MOV10: variants seen among roughly 807,000 people sequenced by gnomAD.
MOV10 encodes RNA helicase MOV-10.
In MOV10, 39 loss-of-function variants were observed where a neutral mutation model predicts 108.4. That is an observed-to-expected ratio of 0.36 (90% CI 0.28 to 0.47). The LOEUF is 0.47. Ranked by LOEUF, MOV10 falls within the 20% of genes least tolerant of loss-of-function variation. The pLI, the probability that MOV10 is intolerant of heterozygous loss-of-function variation, is 1.00. For synonymous variants in MOV10, 490 were observed against 523.1 expected (o/e 0.94, Z 0.86); for missense variants, 952 against 1,297.6 (o/e 0.73, Z 4.09).
chr1:112,694,156 C>G lies in MOV10; in HGVS notation c.1279C>G (p.Leu427Val). 6.2e-7 allele frequency: 1 copy of G among 1,614,122 alleles called. No individual in the cohort carries two copies. ...CAAGGTGGAATTGGACCGTGTCAAG[C>G]TGAGCTTTTCCATGAGGTGGGTGTT... ...VHKVELDRVK[L>V]SFSMSLLSRF... The change falls in exon 8 of 21, where the codon CTG (leucine) becomes GTG (valine). Residue 427 changes from leucine to valine, a missense_variant. Physicochemically the swap from Leu to Val is conservative, Grantham distance 32. Around this residue, in one of 5 missense-constraint regions of MOV10, gnomAD observed 453 missense variants for 611.5 expected, o/e 0.74. Transcript: ENST00000369645. The surrounding 1 kb of genome is among the most constrained non-coding windows in gnomAD (Gnocchi z 4.1).
At position 112,692,859 on chromosome 1, in the gene MOV10, A is replaced by G. The variant is rs1416746822; in HGVS notation, c.1070A>G (p.His357Arg). 6.2e-7 allele frequency: 1 copy of G among 1,613,964 alleles called. No homozygotes were observed. The highest frequency in any genetic ancestry group is 8.5e-7 in the Non-Finnish European group (1 of 1,179,982). Residue 357 changes from histidine (H) to arginine (R), a missense_variant, in exon 7 of 21, where the codon CAC (histidine) becomes CGC (arginine). This residue lies in a region of MOV10 where 374 missense variants were observed against 468.6 expected (regional missense o/e 0.80). Transcript: ENST00000369645. ...EELQMEHDIR[H>R]YDLESVPMTW... ...CTGCAGATGGAGCATGATATCCGGC[A>G]CTATGACCTGGAGTCGGTGCCCATG... is the stretch of plus-strand genomic sequence containing the variant.
At chr1:112,698,510 C>T (rs778495450) in intron 16 of MOV10, 32 bp downstream of exon 16, 3 of 1,603,218 alleles carry the variant, frequency 1.9e-6, no homozygotes, top group African/African-American at 1.3e-5. Flanking sequence ...AAGGGTGGGG[C>T]CCCTCCCCCA....
intron 7 of MOV10, 55 bp from the exon 8 acceptor site, chr1:112,693,963 G>A: frequency 6.3e-7 from 1 of 1,578,768 alleles, no homozygotes; most frequent in South Asian, 1.1e-5. Flanking sequence ...CTGGGGGCTG[G>A]GCCCTCCAGC....
intron 6 of MOV10, among the ~76,000 whole-genome samples, chr1:112,692,053 G>A (rs1181506104): frequency 6.6e-6 from 1 of 152,190 alleles, no homozygotes; most frequent in Non-Finnish European, 1.5e-5. Flanking sequence ...AACAGGTCAG[G>A]TGTAAGTGGC....
chr1:112,699,621 C>T, intron 17 of MOV10, 64 bp from the exon 18 acceptor site: 1 of 1,607,170 alleles, frequency 6.2e-7, no homozygotes, highest in Non-Finnish European at 8.5e-7. Context: ...AGGCAAGCTC[C>T]CTGGGGTAGG....
In MOV10 at chr1:112,695,479, C is replaced by A. The variant is rs370148422; in HGVS notation, c.1684C>A (p.Leu562Ile). 3.1e-6 allele frequency: 5 copies of A among 1,614,130 alleles called. No individual in the cohort carries two copies. In the African/African-American group the frequency reaches 5.3e-5, roughly 17 times the overall value. ...CGCTCCATCCAACTCAGGGGCTGAC[C>A]TACTCTGTCAAAGGCTCCGGGTCCA... ...ACAPSNSGAD[L>I]LCQRLRVHLP... The change falls in exon 11 of 21, where the codon CTA (leucine) becomes ATA (isoleucine). Residue 562 changes from leucine to isoleucine, a missense_variant. Physicochemically the swap from Leu to Ile is conservative, Grantham distance 5. Transcript: ENST00000369645.
rs766050330 is a variant in MOV10 at position 112,696,693 on chromosome 1, G to T, written c.2045G>T (p.Arg682Leu). Residue 682 changes from arginine (R) to leucine (L), a missense_variant, in exon 14 of 21, where the codon CGG (arginine) becomes CTG (leucine). Arg to Leu is a moderately radical substitution (Grantham distance 102). Around this residue, in one of 5 missense-constraint regions of MOV10, gnomAD observed 453 missense variants for 611.5 expected, o/e 0.74. Transcript: ENST00000369645. The part of the protein sequence containing the change: ...GGQLVLAGDP[R>L]QLGPVLRSPL... ...CAGCTGGTGCTGGCAGGAGACCCTC[G>T]GCAGCTGGGGCCTGTGCTGCGTTCC... is the stretch of plus-strand genomic sequence containing the variant. 6.2e-7 allele frequency: 1 copy of T among 1,609,156 alleles called. No individual in the cohort carries two copies. The highest frequency in any genetic ancestry group is 2.2e-5 in the East Asian group (1 of 44,722).
intron 17 of MOV10, 127 bp downstream of exon 17, chr1:112,698,916 C>A: frequency 1.3e-6 from 1 of 791,388 alleles, no homozygotes; most frequent in South Asian, 1.5e-5. Context: ...GAATAGAGCT[C>A]GAGCTCTCCC....
At chr1:112,688,758 A>G (rs1465102906) in intron 2 of MOV10, 177 bp from the exon 3 acceptor site, 1 of 1,444,024 alleles carries the variant, frequency 6.9e-7, no homozygotes, top group Admixed American at 2.7e-5. Flanking sequence ...CCCTGAAAAC[A>G]TTAAACATTC....
chr1:112,699,306 C>T, intron 17 of MOV10: 1 of 303,708 alleles, frequency 3.3e-6, no homozygotes, highest in Non-Finnish European at 5.6e-6. Context: ...CTAAGACTTA[C>T]AGGCCTCTCT....
Position 112,695,588 on chromosome 1 carries a change from G to T in MOV10, c.1779+14G>T. 6.2e-7 allele frequency: 1 copy of T among 1,611,622 alleles called. No individual in the cohort carries two copies. Among genetic ancestry groups the T allele is most frequent in the Middle Eastern group, 1.7e-4 (1 of 6,048 alleles). On this transcript the variant is annotated intron_variant, in intron 11 of 20. Coordinates refer to ENST00000369645, the MANE Select transcript of MOV10 (RefSeq NM_001321324.2). ...GAGGACATCAAGGTACTAGGGAAGT[G>T]CAGAGGGCCAAAGAATGGCAAATGC... is the stretch of plus-strand genomic sequence containing the variant.
In MOV10 at chr1:112,694,896, G is replaced by A; in HGVS notation, c.1620G>A (p.Gln540=). Residue 540 remains glutamine, a splice_region_variant and synonymous_variant, in exon 10 of 21, where the codon CAG becomes CAA. Coordinates refer to ENST00000369645, the MANE Select transcript of MOV10 (RefSeq NM_001321324.2). The surrounding 1 kb of genome is among the most constrained non-coding windows in gnomAD (Gnocchi z 4.1). ...TCACGTTAGTGGAGGCAATTAAGCA[G>A]GTGGGGTCTGAGCACAAACCTGGGG... ...KTVTLVEAIK[Q]VVKHLPKAHI... is the part of the protein sequence containing the mutation. 6.2e-7 allele frequency: 1 copy of A among 1,613,856 alleles called. No individual in the cohort carries two copies. Among genetic ancestry groups the A allele is most frequent in the Non-Finnish European group, 8.5e-7 (1 of 1,179,842 alleles).
rs771600297 is a variant in MOV10, at chr1:112,698,439, C to A, written c.2469C>A (p.Ser823Arg). The change falls in exon 16 of 21, where the codon AGC (serine) becomes AGA (arginine). Residue 823 changes from serine (S) to arginine (R), a missense_variant. Physicochemically the swap from Ser to Arg is moderately radical, Grantham distance 110 (BLOSUM62 -1). Coordinates refer to ENST00000369645, the MANE Select transcript of MOV10 (RefSeq NM_001321324.2). ...CCAAGAAGGGCAAAGCTCGCCTGAGCCCTCGAAGTGTGGGCGTCATCTCCC... is the reference window on the plus strand; with the variant it reads ...CCAAGAAGGGCAAAGCTCGCCTGAGACCTCGAAGTGTGGGCGTCATCTCCC... The part of the protein sequence containing the change: ...PSSKKGKARL[S>R]PRSVGVISPY... 6.8e-6 allele frequency: 11 copies of A among 1,614,038 alleles called. No homozygotes were observed. The Admixed American group carries it at 1.8e-4, about 27-fold the overall frequency.
At chr1:112,681,230 A>C (rs1243738300) in intron 2 of MOV10, among the ~76,000 whole-genome samples, 1 of 151,564 alleles carries the variant, frequency 6.6e-6, no homozygotes, top group Admixed American at 6.6e-5. Flanking sequence ...AGTGGCTCAA[A>C]CCTGTAATCC....
intron 16 of MOV10, 114 bp downstream of exon 16, chr1:112,698,592 C>T (rs1401403151): frequency 2.1e-6 from 3 of 1,436,394 alleles, no homozygotes; most frequent in African/African-American, 1.4e-5. Flanking sequence ...GGCTCCGTAT[C>T]TCAGAAGAGC....
Position 112,696,860 on chromosome 1 carries a change from C to G in MOV10, c.2198+14C>G, listed in dbSNP as rs1360433375. On this transcript the variant is annotated intron_variant, in intron 14 of 20. Coordinates refer to ENST00000369645, the MANE Select transcript of MOV10 (RefSeq NM_001321324.2). ...CCGCAACTACAGGTATTCCCATGCC[C>G]TTGCCTCCCCTGCCATATCCTATGC... The G allele has an allele frequency of 6.4e-7, 1 of 1,559,706 alleles. No individual in the cohort carries two copies. The highest frequency in any genetic ancestry group is 2.4e-5 in the East Asian group (1 of 42,400).
chr1:112,696,896 T>C, intron 14 of MOV10, 50 bp downstream of exon 14: 1 of 1,445,300 alleles, frequency 6.9e-7, no homozygotes, highest in South Asian at 1.2e-5. Context: ...TTTCACATCC[T>C]GCATGCAGAC....
chr1:112,675,785 A>G lies in MOV10; in HGVS notation c.137+736A>G, dbSNP rs1362287782. ...CTGTCACACCACAGAATTGTGCTTCAAAAACACGTTTATCAACAGGCTGCT... is the reference window on the plus strand; with the variant it reads ...CTGTCACACCACAGAATTGTGCTTCGAAAACACGTTTATCAACAGGCTGCT... On this transcript the variant is annotated intron_variant, in intron 2 of 20. Transcript: ENST00000369645. This position sits in a 1 kb window ranked among gnomAD's most constrained non-coding sequence, Gnocchi z 4.7. Among the ~76,000 whole-genome samples the G allele has an allele frequency of 6.6e-6, 1 of 152,228 alleles. No homozygotes were observed. The highest frequency in any genetic ancestry group is 1.5e-5 in the Non-Finnish European group (1 of 68,034).
intron 14 of MOV10, 23 bp downstream of exon 14, chr1:112,696,869 C>T: frequency 1.3e-6 from 2 of 1,545,492 alleles, no homozygotes; most frequent in Non-Finnish European, 1.8e-6. Context: ...CCTTGCCTCC[C>T]CTGCCATATC....
Sources: gnomAD v4.1 joint callset for allele counts (sites outside exome capture counted in the v4.1 genomes callset) on GRCh38, gnomAD v4.1.1 for gene constraint, gnomAD v4.1.1 regional missense constraint, Gnocchi (gnomAD v3.1) non-coding constraint, MANE v1.5 for transcripts, NCBI Gene and HGNC (gene_info 2026-07-23, HGNC 2026-07-21) for gene names.